Variants in MRPL39 observed in about 807,000 individuals in gnomAD.
The protein encoded by MRPL39 is mitochondrial ribosomal protein L39, also known as large ribosomal subunit protein mL39.
Under a neutral mutation model 44.5 loss-of-function variants are expected in MRPL39, and 35 were observed. The observed-to-expected ratio is 0.79, with a 90% CI of 0.60 to 1.04. The LOEUF is 1.04. Ranked by LOEUF, MRPL39 falls within the 50% of genes least tolerant of loss-of-function variation. MRPL39 has a pLI of 0.00. For missense variants in MRPL39, 433 were observed against 413.5 expected (o/e 1.05, Z -0.41); for synonymous variants, 139 against 136.1 (o/e 1.02, Z -0.15).
In MRPL39 at chr21:25,593,956, T is replaced by A. The variant is rs1385726566; in HGVS notation, c.704A>T (p.Tyr235Phe). The A allele has an allele frequency of 2.5e-6, 4 of 1,613,218 alleles. No individual in the cohort carries two copies. Among genetic ancestry groups the A allele is most frequent in the Non-Finnish European group, 3.4e-6 (4 of 1,179,702 alleles). ...VALEIFQHSKYKVDFIEEKAS... is the reference protein window; with the variant it reads ...VALEIFQHSKFKVDFIEEKAS... ...CTTCTCTTCTATGAAATCTACTTTG[T>A]ACCTGAAAAGCAGCAAAGAAAAAAA... Residue 235 changes from tyrosine (Y) to phenylalanine (F), a missense_variant and splice_region_variant, in exon 7 of 10, where the codon TAC (tyrosine) becomes TTC (phenylalanine). Coordinates refer to ENST00000352957, the MANE Select transcript of MRPL39 (RefSeq NM_017446.4).
intron 7 of MRPL39, among the ~76,000 whole-genome samples, 154 bp from the exon 8 acceptor site, chr21:25,593,119 G>C (rs1436069000): frequency 6.6e-6 from 1 of 152,134 alleles, no homozygotes; most frequent in African/African-American, 2.4e-5. Flanking sequence ...CTGACATAAT[G>C]ATCTCAAGTA....
At chr21:25,587,749 A>C in intron 9 of MRPL39, 2 of 1,613,492 alleles carry the variant, frequency 1.2e-6, no homozygotes, top group Non-Finnish European at 1.7e-6. Flanking sequence ...GGTAGTGAAG[A>C]ATGACTGCGT....
intron 2 of MRPL39, among the ~76,000 whole-genome samples, chr21:25,604,204 A>C (rs948826442): frequency 6.6e-6 from 1 of 152,108 alleles, no homozygotes; most frequent in African/African-American, 2.4e-5. Context: ...GGTTGCAGTG[A>C]GCCGAGATCA....
At chr21:25,600,103 C>A (rs3819038) in intron 4 of MRPL39, among the ~76,000 whole-genome samples, 119,441 of 152,100 alleles carry the variant, frequency 0.79, 47,087 homozygotes, top group Non-Finnish European at 0.82. Flanking sequence ...GTTTTCTTCA[C>A]AAATGCTATT....
rs377568283 is a variant in MRPL39 at position 25,607,416 on chromosome 21, G to A, written c.60C>T (p.Gly20=). The stretch of plus-strand genomic sequence containing the variant: ...TCTGAAACTCACTCCATTTGATCCC[G>A]CCACCGGGTGCGACCAGCCAGAGCC... ...ALRLWLVAPG[G]GIKWRFIATS... Residue 20 remains glycine (G), a synonymous_variant, in exon 1 of 10, where the codon GGC becomes GGT. Coordinates refer to ENST00000352957, the MANE Select transcript of MRPL39 (RefSeq NM_017446.4). 4.3e-6 allele frequency: 7 copies of A among 1,613,364 alleles called. No homozygotes were observed. Among genetic ancestry groups the A allele is most frequent in the Non-Finnish European group, 5.1e-6 (6 of 1,179,896 alleles).
At chr21:25,600,593 T>A (rs13052971) in intron 4 of MRPL39, among the ~76,000 whole-genome samples, 118,029 of 150,466 alleles carry the variant, frequency 0.78, 46,490 homozygotes, top group Non-Finnish European at 0.82. Context: ...AAAAAAAATT[T>A]GACACGTGAT....
chr21:25,594,066 GT>G, intron 6 of MRPL39, 108 bp from the exon 7 acceptor site: 1 of 898,964 alleles, frequency 1.1e-6, no homozygotes, highest in Non-Finnish European at 1.7e-6. Context: ...CTGAGAGTAG[GT>G]TACACTTGGA....
intron 7 of MRPL39, among the ~76,000 whole-genome samples, chr21:25,593,172 C>T (rs1405760420): frequency 2.6e-5 from 4 of 152,158 alleles, no homozygotes; most frequent in Admixed American, 2.6e-4. Flanking sequence ...GAACCATTTT[C>T]TTAATTAGCA....
intron 6 of MRPL39, among the ~76,000 whole-genome samples, chr21:25,595,859 G>A (rs185348210): frequency 6.6e-6 from 1 of 152,172 alleles, no homozygotes; most frequent in Admixed American, 6.5e-5. Flanking sequence ...TTGTCACAGA[G>A]AGTGACTTCA....
chr21:25,586,599 G>A (rs2031005353), intron 9 of MRPL39, among the ~76,000 whole-genome samples: 1 of 152,108 alleles, frequency 6.6e-6, no homozygotes, highest in South Asian at 2.1e-4. Context: ...CACAACACGG[G>A]ACACAAGCCC....
At chr21:25,599,770 AAATT>A in intron 5 of MRPL39, 25 bp downstream of exon 5, 1 of 1,568,930 alleles carries the variant, frequency 6.4e-7, no homozygotes, top group South Asian at 1.1e-5. Context: ...AGACACTCTA[AAATT>A]AATACTCCAG....
In MRPL39 at chr21:25,597,316, T is replaced by A. The variant is rs747773318; in HGVS notation, c.687A>T (p.Ile229=). The A allele has an allele frequency of 6.3e-7, 1 of 1,587,710 alleles. No homozygotes were observed. The highest frequency in any genetic ancestry group is 1.7e-5 in the Admixed American group (1 of 59,326). ...LEVEAKVALE[I]FQHSKYKVDF... ...CCAACACTTACTTGCTGTGTTGAAA[T>A]ATTTCCAATGCCACTTTTGCTTCAA... The change falls in exon 6 of 10, where the codon ATA becomes ATT. Residue 229 remains isoleucine (I), a synonymous_variant. Coordinates refer to ENST00000352957, the MANE Select transcript of MRPL39 (RefSeq NM_017446.4).
intron 1 of MRPL39, among the ~76,000 whole-genome samples, chr21:25,606,879 A>G (rs148302244): frequency 1.6e-3 from 242 of 152,334 alleles, no homozygotes; most frequent in Middle Eastern, 0.014. Flanking sequence ...GTGCTTTACA[A>G]TAAGGGGCAA....
intron 5 of MRPL39, among the ~76,000 whole-genome samples, chr21:25,599,162 GC>G (rs1046864600): frequency 6.6e-6 from 1 of 152,158 alleles, no homozygotes; most frequent in African/African-American, 2.4e-5. Context: ...TCCTTGTTAG[GC>G]TCTGTTGCTA....
chr21:25,593,061 C>T (rs2123232711), intron 7 of MRPL39, 96 bp from the exon 8 acceptor site: 1 of 1,111,018 alleles, frequency 9.0e-7, no homozygotes, highest in Non-Finnish European at 1.3e-6. Context: ...CTGCTAACAT[C>T]CCTAATCAAG....
chr21:25,588,082 G>T (rs960021670), intron 9 of MRPL39, among the ~76,000 whole-genome samples: 3 of 151,982 alleles, frequency 2.0e-5, no homozygotes, highest in African/African-American at 7.2e-5. Flanking sequence ...GAGGCTGAGG[G>T]GGGTGGATCA....
At chr21:25,606,682 A>C in intron 1 of MRPL39, 27 bp from the exon 2 acceptor site, 6 of 1,565,658 alleles carry the variant, frequency 3.8e-6, no homozygotes, top group Non-Finnish European at 5.3e-6. Context: ...ATAAATATGA[A>C]GACTGAAAAA....
intron 5 of MRPL39, among the ~76,000 whole-genome samples, 188 bp downstream of exon 5, chr21:25,599,611 T>C (rs1191149839): frequency 6.6e-6 from 1 of 152,046 alleles, no homozygotes; most frequent in Non-Finnish European, 1.5e-5. Flanking sequence ...TTAAATAGGC[T>C]GAAAAAGCAA....
chr21:25,604,015 TAACAATG>T (rs1324180608), intron 2 of MRPL39, 80 bp from the exon 3 acceptor site: 2 of 1,354,464 alleles, frequency 1.5e-6, no homozygotes, highest in Admixed American at 4.9e-5. Flanking sequence ...TTTAGAAATA[TAACAATG>T]GAAAGGCAAG....
Sources: gnomAD v4.1 joint callset for allele counts (sites outside exome capture counted in the v4.1 genomes callset) on GRCh38, gnomAD v4.1.1 for gene constraint, MANE v1.5 for transcripts, NCBI Gene and HGNC (gene_info 2026-07-23, HGNC 2026-07-21) for gene names.